UNC13C: variants seen among roughly 807,000 people sequenced by gnomAD.
UNC13C encodes protein unc-13 homolog C.
A neutral mutation model predicts 245.4 loss-of-function variants in UNC13C; 174 were observed. The observed-to-expected ratio is 0.71, with a 90% CI of 0.63 to 0.80. UNC13C has a LOEUF of 0.80. Among genes scored for constraint, UNC13C ranks in the 30% least tolerant of loss-of-function variants. The pLI, the probability that UNC13C is intolerant of heterozygous loss-of-function variation, is 0.00. For missense variants in UNC13C, 2,829 were observed against 2,602.9 expected (o/e 1.09, Z -1.89); for synonymous variants, 992 against 895.1 (o/e 1.11, Z -1.93).
chr15:54,421,573 C>T (rs1257314567), intron 19 of UNC13C, among the ~76,000 whole-genome samples: 3 of 152,002 alleles, frequency 2.0e-5, no homozygotes, highest in Non-Finnish European at 4.4e-5. Flanking sequence ...CCCAGCAATT[C>T]CTGTTTTGAC....
chr15:54,072,103 G>A (rs1263512717), intron 2 of UNC13C, among the ~76,000 whole-genome samples: 1 of 152,000 alleles, frequency 6.6e-6, no homozygotes, highest in African/African-American at 2.4e-5. Context: ...CATAGACTTT[G>A]TGTCTCTTTG....
At chr15:54,121,212 CCA>C (rs1238696822) in intron 2 of UNC13C, among the ~76,000 whole-genome samples, 1 of 151,986 alleles carries the variant, frequency 6.6e-6, no homozygotes, top group African/African-American at 2.4e-5. Context: ...CAATAAATTG[CCA>C]CAGTCACCTC....
chr15:54,567,791 TC>T lies in UNC13C; in HGVS notation c.5959-8del. On this transcript the variant is annotated splice_region_variant and splice_polypyrimidine_tract_variant and intron_variant, in intron 29 of 32. Coordinates refer to ENST00000260323, the MANE Select transcript of UNC13C (RefSeq NM_001080534.3). ...CTAAATGCCTCGGCTTATTTTTTTT[TC>T]TTTGTAGCAATACTTTCATGCAGGA... 2 of 1,577,402 alleles carry T rather than the reference TC, an allele frequency of 1.3e-6. No homozygotes were observed. The highest frequency in any genetic ancestry group is 1.4e-5 in the African/African-American group (1 of 73,462).
At chr15:54,584,893 G>A (rs181659355) in intron 30 of UNC13C, among the ~76,000 whole-genome samples, 2 of 152,208 alleles carry the variant, frequency 1.3e-5, no homozygotes, top group Admixed American at 1.3e-4. Flanking sequence ...TCTTCCAACT[G>A]TAAGCACAGG....
intron 22 of UNC13C, 107 bp downstream of exon 22, chr15:54,501,085 T>A: frequency 8.6e-7 from 1 of 1,163,340 alleles, no homozygotes; most frequent in Non-Finnish European, 1.2e-6. Context: ...CCAGTTTATT[T>A]GTAATTCTGT....
chr15:54,180,466 G>C (rs892738718), intron 4 of UNC13C, among the ~76,000 whole-genome samples: 4 of 152,052 alleles, frequency 2.6e-5, no homozygotes, highest in Non-Finnish European at 5.9e-5. Context: ...GAACATGAGA[G>C]TGCATTTGTA....
At chr15:54,173,936 A>G (rs914370935) in intron 4 of UNC13C, among the ~76,000 whole-genome samples, 2 of 152,128 alleles carry the variant, frequency 1.3e-5, no homozygotes, top group African/African-American at 4.8e-5. Flanking sequence ...AATGCCATTT[A>G]TATATCCATT....
chr15:54,148,376 C>T (rs2163200), intron 4 of UNC13C, among the ~76,000 whole-genome samples: 97,124 of 152,064 alleles, frequency 0.64, 32,718 homozygotes, highest in Non-Finnish European at 0.75. Context: ...ATTAAAATAC[C>T]CATTTTTGTT....
At chr15:54,084,430 T>C (rs1390159701) in intron 2 of UNC13C, among the ~76,000 whole-genome samples, 1 of 152,222 alleles carries the variant, frequency 6.6e-6, no homozygotes, top group Non-Finnish European at 1.5e-5. Flanking sequence ...GTTTCCTTCT[T>C]AAATAAATTT....
intron 20 of UNC13C, among the ~76,000 whole-genome samples, chr15:54,496,762 G>C (rs1167913127): frequency 4.0e-5 from 6 of 151,728 alleles, no homozygotes; most frequent in Admixed American, 1.3e-4. Flanking sequence ...TGGGAGCTGA[G>C]CTATGAAGAA....
chr15:54,629,799 T>TGAC, downstream of UNC13C: 1 of 152,346 alleles, frequency 6.6e-6, no homozygotes, highest in East Asian at 1.9e-4. Context: ...ATTTTTTCCC[T>TGAC]GACATGTTTA....
intron 17 of UNC13C, among the ~76,000 whole-genome samples, chr15:54,344,269 AACAAT>A (rs2038806637): frequency 3.3e-5 from 5 of 152,312 alleles, no homozygotes; most frequent in East Asian, 1.9e-4. Context: ...TAATAACAAC[AACAAT>A]GATAAACGAA....
chr15:54,241,131 GAAA>G (rs1424200711), intron 7 of UNC13C, among the ~76,000 whole-genome samples: 1 of 152,114 alleles, frequency 6.6e-6, no homozygotes, highest in Non-Finnish European at 1.5e-5. Context: ...AGGTTTATGG[GAAA>G]CCAGGTAGAG....
intron 17 of UNC13C, among the ~76,000 whole-genome samples, chr15:54,384,611 T>C (rs1462920838): frequency 6.6e-6 from 1 of 152,092 alleles, no homozygotes; most frequent in African/African-American, 2.4e-5. Context: ...GGGAAAGATT[T>C]TATGGCTAAG....
the UNC13C span, among the ~76,000 whole-genome samples, chr15:53,878,850 T>G: frequency 6.6e-6 from 1 of 151,888 alleles, no homozygotes; most frequent in South Asian, 2.1e-4. Context: ...ACCAACCAAA[T>G]GAACCTCTGA....
chr15:54,380,642 T>C (rs1567227507), intron 17 of UNC13C, among the ~76,000 whole-genome samples: 1 of 152,110 alleles, frequency 6.6e-6, no homozygotes, highest in Non-Finnish European at 1.5e-5. Flanking sequence ...GTTTTTTTGA[T>C]AATAGCCATT....
At chr15:54,367,516 A>C (rs1334533444) in intron 17 of UNC13C, among the ~76,000 whole-genome samples, 3 of 152,182 alleles carry the variant, frequency 2.0e-5, no homozygotes, top group Non-Finnish European at 4.4e-5. Flanking sequence ...AGTTTAATTC[A>C]TCTGTGAGAA....
At chr15:54,132,538 C>T (rs1449223429) in intron 2 of UNC13C, among the ~76,000 whole-genome samples, 2 of 152,124 alleles carry the variant, frequency 1.3e-5, no homozygotes, top group Non-Finnish European at 2.9e-5. Flanking sequence ...AGCATGTGCT[C>T]CTTATTAATA....
the UNC13C span, among the ~76,000 whole-genome samples, chr15:53,877,593 G>T: frequency 3.9e-5 from 6 of 152,130 alleles, no homozygotes. Flanking sequence ...GAGAGAAGGA[G>T]AATAGGGAGG....
Sources: gnomAD v4.1 joint callset for allele counts (sites outside exome capture counted in the v4.1 genomes callset) on GRCh38, gnomAD v4.1.1 for gene constraint, MANE v1.5 for transcripts, NCBI Gene and HGNC (gene_info 2026-07-23, HGNC 2026-07-21) for gene names.